Variants in NCKAP5 observed in about 807,000 individuals in gnomAD.
NCKAP5 encodes the protein nck-associated protein 5.
Under a neutral mutation model 167.0 loss-of-function variants are expected in NCKAP5, and 92 were observed. The ratio of observed to expected loss-of-function variants is 0.55; its 90% CI spans 0.47 to 0.66. The LOEUF (loss-of-function observed/expected upper bound fraction) is 0.66, where lower values mean the gene tolerates loss of function less well. Among genes scored for constraint, NCKAP5 ranks in the 30% least tolerant of loss-of-function variants. The pLI is 0.00. For synonymous variants in NCKAP5, 891 were observed against 877.4 expected (o/e 1.02, Z -0.27); for missense variants, 2,378 against 2,315.0 (o/e 1.03, Z -0.56).
At chr2:132,966,940 A>G (rs1438278748) in intron 7 of NCKAP5, among the ~76,000 whole-genome samples, 1 of 152,208 alleles carries the variant, frequency 6.6e-6, no homozygotes, top group African/African-American at 2.4e-5. Context: ...ATACTAGTTT[A>G]TTGCATGAAA....
chr2:133,555,156 CAT>C (rs1229961852), intron 2 of NCKAP5, among the ~76,000 whole-genome samples: 2 of 152,166 alleles, frequency 1.3e-5, no homozygotes, highest in Admixed American at 6.5e-5. Context: ...CCCTGTGTTC[CAT>C]TGGGACTCTA....
At chr2:133,468,494 T>C (rs543707129) in intron 3 of NCKAP5, among the ~76,000 whole-genome samples, 1 of 151,838 alleles carries the variant, frequency 6.6e-6, no homozygotes, top group Non-Finnish European at 1.5e-5. Flanking sequence ...TCTGTTGATT[T>C]GGGGTGGAGA....
chr2:132,893,321 AC>A (rs1257917909), intron 8 of NCKAP5, among the ~76,000 whole-genome samples: 1 of 152,210 alleles, frequency 6.6e-6, no homozygotes, highest in Non-Finnish European at 1.5e-5. Context: ...CCCTGTAGGT[AC>A]CCGCAAACAC....
chr2:133,313,163 C>G (rs1047141200), intron 3 of NCKAP5, among the ~76,000 whole-genome samples: 1 of 152,120 alleles, frequency 6.6e-6, no homozygotes, highest in Non-Finnish European at 1.5e-5. Flanking sequence ...ACAGAATGAC[C>G]CCCTCCACCG....
intron 11 of NCKAP5, among the ~76,000 whole-genome samples, chr2:132,848,455 C>T (rs1328870955): frequency 1.3e-5 from 2 of 152,108 alleles, no homozygotes; most frequent in African/African-American, 4.8e-5. Context: ...CTGTCTTGAA[C>T]AATGTCAAAT....
At position 133,551,006 on chromosome 2, in the gene NCKAP5, A is replaced by G. The variant is rs566203065; in HGVS notation, c.-62+8044T>C. On this transcript the variant is annotated intron_variant, in intron 2 of 19. Coordinates refer to ENST00000409261, the MANE Select transcript of NCKAP5 (RefSeq NM_207363.3). ...ATTCCCATTCACAATTGCTTCAAAG[A>G]TAATAAAATACCTAGGAATCCAACT... 7.4e-3 allele frequency among the ~76,000 whole-genome samples: 1,120 copies of G among 152,226 alleles called. 10 individuals are homozygous for G. The highest frequency in any genetic ancestry group is 0.012 in the Non-Finnish European group (803 of 68,028).
At chr2:132,844,594 A>G (rs1688533151) in intron 11 of NCKAP5, among the ~76,000 whole-genome samples, 1 of 152,176 alleles carries the variant, frequency 6.6e-6, no homozygotes, top group African/African-American at 2.4e-5. Context: ...ATATATTTTT[A>G]AGATATGTTT....
Position 133,140,393 on chromosome 2 carries a change from G to A in NCKAP5, c.208-10282C>T, listed in dbSNP as rs1161149118. Among the ~76,000 whole-genome samples, 5 of 152,162 alleles carry A rather than the reference G, an allele frequency of 3.3e-5. No homozygotes were observed. The East Asian group carries it at 5.8e-4, about 18-fold the overall frequency. ...CCCCAACTCTGTTCCTTTTCTGTCT[G>A]TACTCCACAACAATCGGTGAACAAC... On this transcript the variant is annotated intron_variant, in intron 5 of 19. Transcript: ENST00000409261.
chr2:133,374,210 A>G (rs1685988233), intron 3 of NCKAP5, among the ~76,000 whole-genome samples: 1 of 152,232 alleles, frequency 6.6e-6, no homozygotes, highest in Non-Finnish European at 1.5e-5. Context: ...ATGAAAGGAC[A>G]TAGAGGAACC....
At chr2:133,039,257 C>T (rs2079136259) in intron 6 of NCKAP5, among the ~76,000 whole-genome samples, 2 of 152,174 alleles carry the variant, frequency 1.3e-5, no homozygotes, top group East Asian at 1.9e-4. Flanking sequence ...CAGGTGAAAC[C>T]GATATTACTG....
At chr2:133,574,183 A>G in the NCKAP5 span, among the ~76,000 whole-genome samples, 2 of 152,206 alleles carry the variant, frequency 1.3e-5, no homozygotes, top group Non-Finnish European at 1.5e-5. Flanking sequence ...AACCTGGCTT[A>G]TTGTAATCAG....
chr2:133,146,100 C>A (rs2083187171), intron 5 of NCKAP5, among the ~76,000 whole-genome samples: 1 of 151,630 alleles, frequency 6.6e-6, no homozygotes, highest in African/African-American at 2.4e-5. Context: ...AGATAAAAAG[C>A]AACATCTAGA....
intron 3 of NCKAP5, among the ~76,000 whole-genome samples, chr2:133,473,850 A>G (rs1200823715): frequency 6.6e-6 from 1 of 152,198 alleles, no homozygotes; most frequent in Admixed American, 6.5e-5. Flanking sequence ...AGAGCTACAA[A>G]TTCAAACATG....
chr2:133,109,710 A>C (rs2081844096), intron 6 of NCKAP5, among the ~76,000 whole-genome samples: 1 of 152,188 alleles, frequency 6.6e-6, no homozygotes, highest in Admixed American at 6.5e-5. Flanking sequence ...GAGGATTAAA[A>C]GTATCAAGAA....
At chr2:132,781,811 G>T in intron 14 of NCKAP5, 129 bp downstream of exon 14, 1 of 773,430 alleles carries the variant, frequency 1.3e-6, no homozygotes. Flanking sequence ...ATAAAAGACT[G>T]CTACTATTCA....
intron 8 of NCKAP5, among the ~76,000 whole-genome samples, chr2:132,934,539 T>G (rs1039933934): frequency 6.6e-6 from 1 of 152,048 alleles, no homozygotes; most frequent in Admixed American, 6.6e-5. Context: ...GTCATTGCAC[T>G]CCAGCTTGGG....
the NCKAP5 span, among the ~76,000 whole-genome samples, chr2:133,622,397 C>T: frequency 0.27 from 40,310 of 151,812 alleles, 8,212 homozygotes; most frequent in African/African-American, 0.55. Flanking sequence ...TAAAGCCTCA[C>T]CCAAAAAGCT....
At chr2:133,381,852 T>C (rs1345980314) in intron 3 of NCKAP5, among the ~76,000 whole-genome samples, 2 of 152,204 alleles carry the variant, frequency 1.3e-5, no homozygotes, top group African/African-American at 4.8e-5. Context: ...ACTCATGTAG[T>C]GGCGGACCAT....
chr2:133,330,053 CT>C (rs1165568563), intron 3 of NCKAP5, among the ~76,000 whole-genome samples: 240 of 85,698 alleles, frequency 2.8e-3, no homozygotes, highest in East Asian at 0.012. Context: ...AAAGCAAGAC[CT>C]TTTTTTTTTT....
Sources: allele counts gnomAD v4.1 joint callset (sites outside exome capture counted in the v4.1 genomes callset), GRCh38; gene constraint gnomAD v4.1.1; transcripts MANE v1.5; gene names NCBI Gene and HGNC (gene_info 2026-07-23, HGNC 2026-07-21).